Variants in CPQ observed in about 807,000 individuals in gnomAD.
The protein encoded by CPQ is Ser-Met dipeptidase.
A neutral mutation model predicts 45.7 loss-of-function variants in CPQ; 37 were observed. That is an observed-to-expected ratio of 0.81 (90% confidence interval 0.62 to 1.07). The LOEUF (loss-of-function observed/expected upper bound fraction) is 1.07. Ranked by LOEUF, CPQ falls within the 50% of genes least tolerant of loss-of-function variation. The pLI, the probability that CPQ is intolerant of heterozygous loss-of-function variation, is 0.00. For missense variants in CPQ, 537 were observed against 572.9 expected (o/e 0.94, Z 0.64); for synonymous variants, 186 against 205.8 (o/e 0.90, Z 0.82).
intron 4 of CPQ, among the ~76,000 whole-genome samples, chr8:96,939,224 GT>G (rs1263650944): frequency 6.6e-6 from 1 of 152,214 alleles, no homozygotes; most frequent in African/African-American, 2.4e-5. Flanking sequence ...TCAGGCATTA[GT>G]TAGAATTACC....
chr8:96,728,329 C>T (rs538407954), intron 1 of CPQ, among the ~76,000 whole-genome samples: 3 of 152,220 alleles, frequency 2.0e-5, no homozygotes, highest in Non-Finnish European at 2.9e-5. Context: ...TATTTAATGG[C>T]TCTCAAACTT....
intron 1 of CPQ, among the ~76,000 whole-genome samples, chr8:96,715,336 T>C (rs994723301): frequency 2.6e-5 from 4 of 152,174 alleles, no homozygotes; most frequent in Non-Finnish European, 1.5e-5. Flanking sequence ...CCAGTCATAC[T>C]CCTGACCCAG....
chr8:97,046,200 C>T (rs1810252591), intron 6 of CPQ, among the ~76,000 whole-genome samples: 1 of 151,958 alleles, frequency 6.6e-6, no homozygotes, highest in Non-Finnish European at 1.5e-5. Context: ...TCTGCTGACT[C>T]ACTTATGTGT....
At chr8:97,104,832 C>CAGT (rs1811376295) in intron 7 of CPQ, among the ~76,000 whole-genome samples, 1 of 152,136 alleles carries the variant, frequency 6.6e-6, no homozygotes, top group Admixed American at 6.5e-5. Flanking sequence ...GTGAAGTCTA[C>CAGT]AGGACTAATT....
chr8:96,769,049 G>A (rs1022228829), intron 1 of CPQ, among the ~76,000 whole-genome samples: 2 of 152,142 alleles, frequency 1.3e-5, no homozygotes, highest in East Asian at 1.9e-4. Context: ...GTTTTCTGCA[G>A]CAGAATCTCT....
intron 1 of CPQ, among the ~76,000 whole-genome samples, chr8:96,724,424 AG>A (rs1809807650): frequency 6.6e-6 from 1 of 151,682 alleles, no homozygotes. Context: ...GGTGATTTGC[AG>A]TAGTATTTCT....
intron 1 of CPQ, among the ~76,000 whole-genome samples, chr8:96,694,127 A>C (rs567085040): frequency 9.2e-5 from 14 of 152,184 alleles, no homozygotes; most frequent in Admixed American, 3.3e-4. Context: ...CTAAAATTAA[A>C]AAGCAAAAAA....
rs556051800 is a variant in CPQ at position 97,068,696 on chromosome 8, T to G, written c.1255+2486T>G. 2.0e-4 allele frequency among the ~76,000 whole-genome samples: 30 copies of G among 152,294 alleles called. No individual in the cohort carries two copies. The South Asian group carries it at 5.4e-3, about 27-fold the overall frequency. On this transcript the variant is annotated intron_variant, in intron 7 of 7. Transcript: ENST00000220763. ...TAAAATGTGTTGAACTCCTAATGTG[T>G]AGGAAGTACCTAGGCTTTTTGCAGA...
chr8:96,718,182 G>A (rs1434873893), intron 1 of CPQ, among the ~76,000 whole-genome samples: 2 of 152,116 alleles, frequency 1.3e-5, no homozygotes, highest in East Asian at 1.9e-4. Flanking sequence ...GAGTTCATCC[G>A]TACTTGAGAT....
chr8:97,038,826 A>C (rs1399902049), intron 6 of CPQ, among the ~76,000 whole-genome samples: 1 of 13,664 alleles, frequency 7.3e-5, no homozygotes, highest in African/African-American at 1.7e-4. Flanking sequence ...CCGTATTTAC[A>C]AAAAAAAAAA....
At chr8:96,777,236 A>G (rs1280965423) in intron 1 of CPQ, among the ~76,000 whole-genome samples, 4 of 152,166 alleles carry the variant, frequency 2.6e-5, no homozygotes, top group African/African-American at 9.7e-5. Context: ...ACAAGTAGGT[A>G]GATGATGAGT....
At chr8:97,123,180 AAAATAAAATAAAATAAAATAAAAT>A (rs1563587341) in intron 7 of CPQ, among the ~76,000 whole-genome samples, 8 of 74,460 alleles carry the variant, frequency 1.1e-4, no homozygotes, top group East Asian at 4.6e-4. Context: ...AATAAAATAT[AAAATAAAATAAAATAAAATAAAAT>A]AAAAAATAAA....
chr8:97,035,629 C>G (rs1563560870), intron 6 of CPQ, among the ~76,000 whole-genome samples: 1 of 152,188 alleles, frequency 6.6e-6, no homozygotes, highest in Non-Finnish European at 1.5e-5. Flanking sequence ...TGACTCCTCT[C>G]CTAATGGCCA....
intron 5 of CPQ, among the ~76,000 whole-genome samples, chr8:97,021,042 T>C (rs1033215887): frequency 1.3e-5 from 2 of 152,188 alleles, no homozygotes; most frequent in Non-Finnish European, 2.9e-5. Context: ...GTGGGTTTCA[T>C]ACCAGGGACG....
At chr8:97,078,901 A>C (rs1810900619) in intron 7 of CPQ, among the ~76,000 whole-genome samples, 1 of 151,638 alleles carries the variant, frequency 6.6e-6, no homozygotes, top group Non-Finnish European at 1.5e-5. Flanking sequence ...GTGCTCAAGC[A>C]ATCTTCCCAC....
chr8:97,100,120 AC>A (rs1811277619), intron 7 of CPQ, among the ~76,000 whole-genome samples: 1 of 152,012 alleles, frequency 6.6e-6, no homozygotes, highest in Non-Finnish European at 1.5e-5. Flanking sequence ...AAAAGTGGGA[AC>A]CCCAACTGGA....
chr8:96,768,679 T>A (rs759917416), intron 1 of CPQ, among the ~76,000 whole-genome samples: 4 of 152,226 alleles, frequency 2.6e-5, no homozygotes, highest in Admixed American at 2.6e-4. Flanking sequence ...AGTATTTTCA[T>A]ATATGCCTGT....
At chr8:96,703,585 G>T (rs1317745730) in intron 1 of CPQ, among the ~76,000 whole-genome samples, 4 of 152,144 alleles carry the variant, frequency 2.6e-5, no homozygotes, top group Non-Finnish European at 4.4e-5. Flanking sequence ...CAAGCAAGTT[G>T]TTCTAATTGC....
intron 6 of CPQ, among the ~76,000 whole-genome samples, chr8:97,045,438 C>T (rs1254788898): frequency 6.6e-6 from 1 of 152,202 alleles, no homozygotes; most frequent in African/African-American, 2.4e-5. Flanking sequence ...CCTTGTGCTT[C>T]CCGAGTGAGG....
Sources: allele counts gnomAD v4.1 joint callset (sites outside exome capture counted in the v4.1 genomes callset), GRCh38; gene constraint gnomAD v4.1.1; transcripts MANE v1.5; gene names NCBI Gene and HGNC (gene_info 2026-07-23, HGNC 2026-07-21).